Variants in MTHFD1L observed in about 807,000 individuals in gnomAD.
MTHFD1L encodes monofunctional C1-tetrahydrofolate synthase, mitochondrial.
In MTHFD1L, 81 loss-of-function variants were observed where a neutral mutation model predicts 119.5. The observed-to-expected ratio is 0.68, with a 90% CI of 0.57 to 0.82. The LOEUF is 0.82. MTHFD1L is among the 40% of genes least tolerant of loss of function. MTHFD1L has a pLI of 0.00. For synonymous variants in MTHFD1L, 430 were observed against 475.2 expected (o/e 0.90, Z 1.24); for missense variants, 1,125 against 1,253.4 (o/e 0.90, Z 1.55).
At chr6:151,026,315 C>G (rs562835696) in intron 24 of MTHFD1L, among the ~76,000 whole-genome samples, 1 of 152,278 alleles carries the variant, frequency 6.6e-6, no homozygotes, top group African/African-American at 2.4e-5. Flanking sequence ...CTGCTCTGTG[C>G]GAGAGACTGT....
intron 26 of MTHFD1L, among the ~76,000 whole-genome samples, chr6:151,090,797 G>C (rs1456481606): frequency 6.6e-6 from 1 of 152,244 alleles, no homozygotes; most frequent in Non-Finnish European, 1.5e-5. Flanking sequence ...GGGAGAGCAG[G>C]CACAGTAGAA....
chr6:151,054,331 A>G (rs971062721), intron 26 of MTHFD1L, among the ~76,000 whole-genome samples: 1 of 152,204 alleles, frequency 6.6e-6, no homozygotes, highest in Non-Finnish European at 1.5e-5. Context: ...TCTTATTTGG[A>G]CAGTAAATGG....
intron 26 of MTHFD1L, among the ~76,000 whole-genome samples, chr6:151,038,539 G>A (rs187492302): frequency 1.3e-5 from 2 of 152,242 alleles, no homozygotes; most frequent in African/African-American, 4.8e-5. Context: ...AGCCACGGTA[G>A]GGTGGGTTTT....
intron 7 of MTHFD1L, among the ~76,000 whole-genome samples, chr6:150,896,270 A>T (rs986739925): frequency 6.6e-6 from 1 of 152,148 alleles, no homozygotes; most frequent in Non-Finnish European, 1.5e-5. Flanking sequence ...TTTTGTTTTG[A>T]TGTTTGTAAT....
rs1371221387 is a variant in MTHFD1L at position 150,885,734 on chromosome 6, G to C, written c.643G>C (p.Gly215Arg). The C allele has an allele frequency of 6.2e-7, 1 of 1,605,116 alleles. No individual in the cohort carries two copies. Among genetic ancestry groups the C allele is most frequent in the African/African-American group, 1.3e-5 (1 of 74,782 alleles). The change falls in exon 6 of 28, where the codon GGT (glycine) becomes CGT (arginine). Residue 215 changes from glycine to arginine, a missense_variant and splice_region_variant. Around this residue, in one of 3 missense-constraint regions of MTHFD1L, gnomAD observed 1,058 missense variants for 1,151.2 expected, o/e 0.92. Coordinates refer to ENST00000367321, the MANE Select transcript of MTHFD1L (RefSeq NM_015440.5). The part of the protein sequence containing the change: ...KAVIELLEKS[G>R]VNLDGKKILV... Reference sequence around the variant, plus strand: ...TGTAATTGAACTTCTTGAAAAATCAGGTAGGATGCTCCTTGAGAAATGCCG... The same window carrying C: ...TGTAATTGAACTTCTTGAAAAATCACGTAGGATGCTCCTTGAGAAATGCCG...
intron 26 of MTHFD1L, among the ~76,000 whole-genome samples, chr6:151,046,833 C>T (rs1788163522): frequency 6.6e-6 from 1 of 152,066 alleles, no homozygotes; most frequent in Admixed American, 6.5e-5. Context: ...CCAGGCCACC[C>T]TCAGAGTCAG....
chr6:151,025,023 A>C (rs1480133541), intron 24 of MTHFD1L, among the ~76,000 whole-genome samples: 1 of 152,136 alleles, frequency 6.6e-6, no homozygotes. Flanking sequence ...GCATTGCTAC[A>C]CTATTCTATT....
chr6:150,947,586 G>A (rs1794189276), intron 15 of MTHFD1L, among the ~76,000 whole-genome samples: 2 of 150,806 alleles, frequency 1.3e-5, no homozygotes, highest in South Asian at 4.2e-4. Flanking sequence ...TTTAAAAATT[G>A]GCTGGGCATT....
intron 20 of MTHFD1L, among the ~76,000 whole-genome samples, chr6:150,999,483 G>T (rs147771507): frequency 1.6e-3 from 241 of 152,268 alleles, no homozygotes; most frequent in African/African-American, 5.6e-3. Context: ...AAGGCTTAAA[G>T]CTCTGGTCAT....
intron 8 of MTHFD1L, among the ~76,000 whole-genome samples, chr6:150,910,055 C>T (rs777337278): frequency 6.6e-6 from 1 of 151,692 alleles, no homozygotes; most frequent in Non-Finnish European, 1.5e-5. Context: ...GTGGCAGGCA[C>T]CTGTAATCCC....
At chr6:151,054,496 G>A (rs1412606750) in intron 26 of MTHFD1L, among the ~76,000 whole-genome samples, 1 of 152,176 alleles carries the variant, frequency 6.6e-6, no homozygotes, top group Non-Finnish European at 1.5e-5. Flanking sequence ...AGTCCCCTTT[G>A]CAGCAGACTC....
At chr6:150,885,550 T>A in intron 5 of MTHFD1L, 84 bp from the exon 6 acceptor site, 1 of 915,016 alleles carries the variant, frequency 1.1e-6, no homozygotes, top group East Asian at 2.5e-5. Context: ...TGGATGTTAT[T>A]TGGGGTTAAT....
intron 20 of MTHFD1L, among the ~76,000 whole-genome samples, chr6:150,976,275 A>C (rs1055886514): frequency 6.6e-4 from 101 of 152,284 alleles, no homozygotes; most frequent in African/African-American, 2.4e-3. Flanking sequence ...GATGTGGCAC[A>C]CTGATAACTT....
chr6:150,871,035 T>G (rs1779361900), intron 1 of MTHFD1L, among the ~76,000 whole-genome samples: 1 of 145,496 alleles, frequency 6.9e-6, no homozygotes, highest in Admixed American at 7.0e-5. Context: ...CCTTAATTTA[T>G]ATATATACCT....
At chr6:150,980,807 C>T (rs1320275438) in intron 20 of MTHFD1L, among the ~76,000 whole-genome samples, 5 of 151,840 alleles carry the variant, frequency 3.3e-5, no homozygotes, top group African/African-American at 9.7e-5. Context: ...CCTCCTGATC[C>T]CGTTCTTTTT....
chr6:151,078,964 G>A (rs549898185), intron 26 of MTHFD1L, among the ~76,000 whole-genome samples: 1 of 152,242 alleles, frequency 6.6e-6, no homozygotes, highest in South Asian at 2.1e-4. Context: ...TAGGCCTGCA[G>A]GATGAAGGGT....
chr6:151,087,073 A>G (rs891227624), intron 26 of MTHFD1L, among the ~76,000 whole-genome samples: 4 of 151,978 alleles, frequency 2.6e-5, no homozygotes, highest in African/African-American at 9.7e-5. Flanking sequence ...CCGTGGTGAA[A>G]CCTTGTCTCT....
intron 26 of MTHFD1L, among the ~76,000 whole-genome samples, chr6:151,042,281 C>T (rs1787248121): frequency 6.6e-6 from 1 of 151,312 alleles, no homozygotes; most frequent in South Asian, 2.1e-4. Context: ...TGTATTCTTC[C>T]CTCTTTTTTA....
At chr6:150,973,805 G>A (rs1206233523) in intron 20 of MTHFD1L, among the ~76,000 whole-genome samples, 1 of 152,226 alleles carries the variant, frequency 6.6e-6, no homozygotes, top group Non-Finnish European at 1.5e-5. Flanking sequence ...CAGATGAGGA[G>A]TTGGATGTGG....
Sources: gnomAD v4.1 joint callset for allele counts (sites outside exome capture counted in the v4.1 genomes callset) on GRCh38, gnomAD v4.1.1 for gene constraint, gnomAD v4.1.1 regional missense constraint, MANE v1.5 for transcripts, NCBI Gene and HGNC (gene_info 2026-07-23, HGNC 2026-07-21) for gene names.